Variants in NSF observed in about 807,000 individuals in gnomAD.
NSF encodes N-ethylmaleimide sensitive factor, vesicle fusing ATPase, also known as vesicle-fusing ATPase.
A neutral mutation model predicts 50.3 loss-of-function variants in NSF; 14 were observed. The observed-to-expected ratio is 0.28, with a 90% confidence interval of 0.18 to 0.44. The LOEUF (loss-of-function observed/expected upper bound fraction) is 0.44. NSF is among the 20% of genes least tolerant of loss of function. The pLI is 1.00. For missense variants in NSF, 218 were observed against 504.3 expected (o/e 0.43, Z 5.44); for synonymous variants, 109 against 175.7 (o/e 0.62, Z 3.00).
chr17:46,746,489 C>A (rs1039919541), intron 17 of NSF, among the ~76,000 whole-genome samples: 2 of 152,304 alleles, frequency 1.3e-5, no homozygotes, highest in East Asian at 1.9e-4. Flanking sequence ...TTCTTAAAAT[C>A]TTTTCCCGAT....
intron 17 of NSF, among the ~76,000 whole-genome samples, chr17:46,733,953 T>G (rs1284259230): frequency 6.6e-6 from 1 of 152,214 alleles, no homozygotes; most frequent in African/African-American, 2.4e-5. Context: ...TTGGAGGACC[T>G]AAGGTGTGGA....
chr17:46,657,970 A>ATTTAT (rs2058274412), intron 8 of NSF, among the ~76,000 whole-genome samples: 1 of 14,894 alleles, frequency 6.7e-5, no homozygotes, highest in Non-Finnish European at 1.4e-4. Flanking sequence ...TATTTTATTT[A>ATTTAT]TTTTTTTTTT....
chr17:46,718,449 C>A (rs2058796280), intron 15 of NSF, among the ~76,000 whole-genome samples: 1 of 152,114 alleles, frequency 6.6e-6, no homozygotes, highest in South Asian at 2.1e-4. Flanking sequence ...CTTATTTGAT[C>A]GTTACATGTT....
chr17:46,598,673 A>G (rs1178320689), intron 1 of NSF, among the ~76,000 whole-genome samples: 1 of 152,148 alleles, frequency 6.6e-6, no homozygotes, highest in Non-Finnish European at 1.5e-5. Flanking sequence ...CAGAATATTC[A>G]GTATCAGTAT....
intron 15 of NSF, chr17:46,722,030 G>A (rs745700486): frequency 6.8e-6 from 11 of 1,607,380 alleles, no homozygotes; most frequent in African/African-American, 2.7e-5. Context: ...CTTGGCTGCC[G>A]TAATATTCAG....
At chr17:46,678,451 A>C (rs2058422640) in intron 9 of NSF, among the ~76,000 whole-genome samples, 1 of 148,616 alleles carries the variant, frequency 6.7e-6, no homozygotes, top group Non-Finnish European at 1.5e-5. Context: ...GATGAAAATA[A>C]CCAGAGACAA....
intron 17 of NSF, among the ~76,000 whole-genome samples, chr17:46,737,562 GGT>G (rs200144570): frequency 1.6e-5 from 2 of 124,722 alleles, no homozygotes; most frequent in South Asian, 3.3e-4. Flanking sequence ...GTTCACCTAG[GGT>G]GTGTGTGCGT....
At chr17:46,721,486 CCTGTT>C in intron 15 of NSF, 1 of 753,640 alleles carries the variant, frequency 1.3e-6, no homozygotes, top group East Asian at 2.6e-5. Flanking sequence ...GATAATTTTA[CCTGTT>C]CTACAGGAAA....
At chr17:46,718,266 G>A (rs2058794310) in intron 15 of NSF, among the ~76,000 whole-genome samples, 1 of 152,092 alleles carries the variant, frequency 6.6e-6, no homozygotes, top group African/African-American at 2.4e-5. Context: ...GCCACAGACT[G>A]GCCCTCGAGG....
chr17:46,714,569 A>G (rs2058750194), intron 15 of NSF, among the ~76,000 whole-genome samples: 1 of 152,204 alleles, frequency 6.6e-6, no homozygotes, highest in Admixed American at 6.5e-5. Flanking sequence ...CATAGAATAG[A>G]ATCCTAGAGC....
intron 17 of NSF, among the ~76,000 whole-genome samples, chr17:46,747,803 G>T (rs1396603400): frequency 2.0e-5 from 3 of 152,154 alleles, no homozygotes; most frequent in African/African-American, 7.2e-5. Context: ...CAACTAAGAG[G>T]TTCCCAGTGG....
intron 13 of NSF, among the ~76,000 whole-genome samples, chr17:46,708,358 T>C (rs567563122): frequency 6.9e-4 from 105 of 152,260 alleles, no homozygotes; most frequent in African/African-American, 2.4e-3. Context: ...AACAAATTAT[T>C]TTCTGTTTTT....
intron 15 of NSF, among the ~76,000 whole-genome samples, chr17:46,714,512 T>G (rs1318520773): frequency 6.6e-6 from 1 of 152,214 alleles, no homozygotes; most frequent in Non-Finnish European, 1.5e-5. Flanking sequence ...ACTCGTCACC[T>G]TCTTAATTAA....
intron 15 of NSF, among the ~76,000 whole-genome samples, chr17:46,720,334 G>T (rs2058817469): frequency 6.6e-6 from 1 of 152,168 alleles, no homozygotes. Context: ...CTTTGGCGTA[G>T]AAAGGAGGCT....
At chr17:46,637,003 C>T (rs1423278653) in intron 4 of NSF, among the ~76,000 whole-genome samples, 3 of 151,996 alleles carry the variant, frequency 2.0e-5, no homozygotes, top group African/African-American at 7.3e-5. Context: ...TACAGGCGCC[C>T]GCCACCACGC....
intron 17 of NSF, among the ~76,000 whole-genome samples, chr17:46,733,794 A>T (rs938972535): frequency 6.6e-6 from 1 of 152,222 alleles, no homozygotes; most frequent in Non-Finnish European, 1.5e-5. Flanking sequence ...TACCACTCCA[A>T]CGTCATAGCA....
chr17:46,733,648 G>A (rs1042630634), intron 17 of NSF, among the ~76,000 whole-genome samples: 2 of 152,174 alleles, frequency 1.3e-5, no homozygotes, highest in Non-Finnish European at 2.9e-5. Context: ...AAGTGGATGA[G>A]GCCACTCACA....
intron 1 of NSF, among the ~76,000 whole-genome samples, chr17:46,622,796 G>T (rs1485633627): frequency 6.7e-6 from 1 of 150,294 alleles, no homozygotes; most frequent in Non-Finnish European, 1.5e-5. Context: ...ACATAAATAA[G>T]AAATTGTGTA....
At chr17:46,708,031 CAAAAA>C (rs35548565) in intron 13 of NSF, among the ~76,000 whole-genome samples, 3 of 85,552 alleles carry the variant, frequency 3.5e-5, no homozygotes, top group Non-Finnish European at 5.2e-5. Flanking sequence ...GACCCTGTCT[CAAAAA>C]AAAAAAAAAA....
Sources: gnomAD v4.1 joint callset for allele counts (sites outside exome capture counted in the v4.1 genomes callset) on GRCh38, gnomAD v4.1.1 for gene constraint, MANE v1.5 for transcripts, NCBI Gene and HGNC (gene_info 2026-07-23, HGNC 2026-07-21) for gene names.